PTPN14: variants seen among roughly 807,000 people sequenced by gnomAD.
PTPN14 encodes the protein tyrosine-protein phosphatase non-receptor type 14.
Under a neutral mutation model 126.8 loss-of-function variants are expected in PTPN14, and 53 were observed. The observed-to-expected ratio is 0.42, with a 90% CI of 0.34 to 0.53. The LOEUF (loss-of-function observed/expected upper bound fraction) is 0.53, where lower values mean the gene tolerates loss of function less well. Among genes scored for constraint, PTPN14 ranks in the 20% least tolerant of loss-of-function variants. The probability of loss-of-function intolerance (pLI) is 0.08; values close to 1 mark genes in which losing one functional copy is unlikely to be tolerated. For missense variants in PTPN14, 1,257 were observed against 1,552.9 expected, an observed-to-expected ratio of 0.81 and a Z score of 3.20; for synonymous variants, 630 against 599.3, an observed-to-expected ratio of 1.05 and a Z score of -0.75.
chr1:214,361,195 C>G (rs1571949534), intron 18 of PTPN14, among the ~76,000 whole-genome samples: 1 of 152,310 alleles, frequency 6.6e-6, no homozygotes, highest in East Asian at 1.9e-4. Flanking sequence ...ACTTAGCTCA[C>G]AGTGTCACTG....
Position 214,474,486 on chromosome 1 carries a change from G to A in PTPN14, c.-154-9529C>T, listed in dbSNP as rs959477057. Among the ~76,000 whole-genome samples the A allele has an allele frequency of 3.3e-5, 5 of 152,318 alleles. No individual in the cohort carries two copies. The East Asian group carries it at 9.6e-4, about 29-fold the overall frequency. ...CATAGGATAAAAAATGGCAACAAGG[G>A]AGGTGACACGTAAATGATTAACATA... On this transcript the variant is annotated intron_variant, in intron 1 of 18. Coordinates refer to ENST00000366956, the MANE Select transcript of PTPN14 (RefSeq NM_005401.5).
intron 13 of PTPN14, 101 bp from the exon 14 acceptor site, chr1:214,378,203 G>A (rs1658389823): frequency 7.2e-7 from 1 of 1,397,268 alleles, no homozygotes; most frequent in East Asian, 2.4e-5. Flanking sequence ...GCCAAGGAAT[G>A]CAGACAATCA....
At chr1:214,397,555 CATAAAA>C (rs2102558161) in intron 8 of PTPN14, among the ~76,000 whole-genome samples, 1 of 152,326 alleles carries the variant, frequency 6.6e-6, no homozygotes, top group East Asian at 1.9e-4. Context: ...CTTTTGTTCA[CATAAAA>C]ATCAGTTGGC....
chr1:214,456,759 T>C (rs1360666850), intron 2 of PTPN14, among the ~76,000 whole-genome samples: 1 of 152,064 alleles, frequency 6.6e-6, no homozygotes, highest in Non-Finnish European at 1.5e-5. Context: ...ACCTAGAAAA[T>C]GGAGATGCCG....
At chr1:214,422,509 C>T (rs1659565437) in intron 3 of PTPN14, among the ~76,000 whole-genome samples, 1 of 152,174 alleles carries the variant, frequency 6.6e-6, no homozygotes, top group South Asian at 2.1e-4. Context: ...ACATATCTGC[C>T]TGCCCTGAAA....
At chr1:214,522,491 G>C (rs1388456024) in intron 1 of PTPN14, among the ~76,000 whole-genome samples, 1 of 152,106 alleles carries the variant, frequency 6.6e-6, no homozygotes, top group African/African-American at 2.4e-5. Flanking sequence ...GAACAAGCAG[G>C]ATACAAACAT....
intron 17 of PTPN14, among the ~76,000 whole-genome samples, chr1:214,368,606 G>A (rs1015359485): frequency 1.3e-5 from 2 of 152,122 alleles, no homozygotes; most frequent in Non-Finnish European, 1.5e-5. Flanking sequence ...GTGGCATTAA[G>A]CATAGTCATA....
At chr1:214,390,949 A>G (rs1464465741) in intron 11 of PTPN14, 39 bp downstream of exon 11, 1 of 1,418,748 alleles carries the variant, frequency 7.0e-7, no homozygotes, top group African/African-American at 1.4e-5. Context: ...AGAATGCTCA[A>G]CAGTCAGATC....
At position 214,394,967 on chromosome 1, in the gene PTPN14, T is replaced by C. The variant is rs1364740276; in HGVS notation, c.778A>G (p.Ile260Val). The change falls in exon 9 of 19, where the codon ATC (isoleucine) becomes GTC (valine). Residue 260 changes from isoleucine to valine, a missense_variant. Coordinates refer to ENST00000366956, the MANE Select transcript of PTPN14 (RefSeq NM_005401.5). ...VIYRWNDMGN[I>V]THNKSTILVE... ...AGAATGGTCGACTTGTTATGAGTGA[T>C]ATTCCCCATGTCATTCCACCTGGTT... The C allele has an allele frequency of 6.2e-7, 1 of 1,613,060 alleles. No individual in the cohort carries two copies. Among genetic ancestry groups the C allele is most frequent in the Admixed American group, 1.7e-5 (1 of 60,026 alleles).
intron 2 of PTPN14, among the ~76,000 whole-genome samples, chr1:214,459,149 C>CT (rs5780785): frequency 0.78 from 105,590 of 135,736 alleles, 41,177 homozygotes; most frequent in Middle Eastern, 0.82. Flanking sequence ...CTCTTTTCTT[C>CT]TTTTTTTTTT....
At chr1:214,528,580 T>G (rs1235352847) in intron 1 of PTPN14, 2 of 152,112 alleles carry the variant, frequency 1.3e-5, no homozygotes, top group Non-Finnish European at 2.9e-5. Flanking sequence ...AAAAACACAG[T>G]GGATATACTT....
chr1:214,364,762 G>GGTGT lies in PTPN14; in HGVS notation c.3272-88_3272-87insACAC. ...GAGGGGGGAGCGGAAGAGAACTGAT[G>GGTGT]GTGAGTGTGTGTGTGTGTGTGTGTG... On this transcript the variant is annotated intron_variant, in intron 17 of 18. Coordinates refer to ENST00000366956, the MANE Select transcript of PTPN14 (RefSeq NM_005401.5). The surrounding 1 kb of genome is among the most constrained non-coding windows in gnomAD (Gnocchi z 4.1). The GGTGT allele has an allele frequency of 1.4e-6, 1 of 714,528 alleles. No homozygotes were observed. The highest frequency in any genetic ancestry group is 2.0e-6 in the Non-Finnish European group (1 of 494,626). The allele number at this position is 714,528 out of a possible 1,614,324, so 44.3% of individuals were successfully genotyped here.
At chr1:214,405,271 C>T (rs1202916042) in intron 5 of PTPN14, among the ~76,000 whole-genome samples, 4 of 152,284 alleles carry the variant, frequency 2.6e-5, no homozygotes, top group South Asian at 4.1e-4. Context: ...TCCCCTTGTG[C>T]GTGTCTCTTC....
intron 15 of PTPN14, 43 bp from the exon 16 acceptor site, chr1:214,372,882 GACA>G: frequency 6.2e-7 from 1 of 1,609,114 alleles, no homozygotes; most frequent in Non-Finnish European, 8.5e-7. Flanking sequence ...CCCAAGTCCG[GACA>G]ACATTACCTG....
rs549904505 is a variant in PTPN14 at position 214,419,630 on chromosome 1, A to G, written c.345-4904T>C. 2.6e-5 allele frequency among the ~76,000 whole-genome samples: 4 copies of G among 152,136 alleles called. No homozygotes were observed. In the East Asian group the frequency reaches 5.8e-4, roughly 22 times the overall value. On this transcript the variant is annotated intron_variant, in intron 3 of 18. Coordinates refer to ENST00000366956, the MANE Select transcript of PTPN14 (RefSeq NM_005401.5). ...AGCATGTACCAAAGTGCCAGACAGC[A>G]TTGGTTTCTGGCTGATGTTATATTC...
At chr1:214,416,978 A>G (rs1267835393) in intron 3 of PTPN14, among the ~76,000 whole-genome samples, 1 of 152,120 alleles carries the variant, frequency 6.6e-6, no homozygotes, top group Admixed American at 6.5e-5. Flanking sequence ...ATTTCATGGA[A>G]GTATACTCCA....
intron 1 of PTPN14, among the ~76,000 whole-genome samples, chr1:214,497,870 A>T (rs1169433159): frequency 6.6e-6 from 1 of 152,214 alleles, no homozygotes; most frequent in Non-Finnish European, 1.5e-5. Context: ...GAAAATATAA[A>T]ACTATATCAG....
chr1:214,492,210 C>A (rs564384577), intron 1 of PTPN14, among the ~76,000 whole-genome samples: 9 of 151,818 alleles, frequency 5.9e-5, no homozygotes, highest in Non-Finnish European at 1.2e-4. Flanking sequence ...AGAAAAACTT[C>A]GGGAGAATAT....
At chr1:214,401,539 T>C (rs764014443) in intron 7 of PTPN14, 146 bp downstream of exon 7, 3 of 671,854 alleles carry the variant, frequency 4.5e-6, no homozygotes, top group Non-Finnish European at 7.5e-6. Flanking sequence ...AGCATTTGTT[T>C]ATCTATAATA....
Sources: gnomAD v4.1 joint callset for allele counts (sites outside exome capture counted in the v4.1 genomes callset) on GRCh38, gnomAD v4.1.1 for gene constraint, Gnocchi (gnomAD v3.1) non-coding constraint, MANE v1.5 for transcripts, NCBI Gene and HGNC (gene_info 2026-07-23, HGNC 2026-07-21) for gene names.